The following LEF1 variants were observed in gnomAD, a reference collection of about 807,000 sequenced individuals.
LEF1 encodes lymphoid enhancer binding factor 1.
A neutral mutation model predicts 51.2 loss-of-function variants in LEF1; 14 were observed. That is an observed-to-expected ratio of 0.27 (90% CI 0.18 to 0.43). The LOEUF (loss-of-function observed/expected upper bound fraction) is 0.43, where lower values mean the gene tolerates loss of function less well. LEF1 is among the 20% of genes least tolerant of loss of function. The pLI is 1.00. For missense variants in LEF1, 386 were observed against 512.0 expected, an observed-to-expected ratio of 0.75 and a Z score of 2.37; for synonymous variants, 185 against 183.2, an observed-to-expected ratio of 1.01 and a Z score of -0.08.
At chr4:108,155,930 T>C (rs1744668392) in intron 3 of LEF1, among the ~76,000 whole-genome samples, 1 of 152,106 alleles carries the variant, frequency 6.6e-6, no homozygotes, top group African/African-American at 2.4e-5. Flanking sequence ...CAAAACACAA[T>C]GGCCTAGAAA....
In LEF1 at chr4:108,149,344, G is replaced by A. The variant is rs1345275221; in HGVS notation, c.414+14224C>T. Among the ~76,000 whole-genome samples the A allele has an allele frequency of 2.3e-4, 34 of 148,638 alleles. No homozygotes were observed. In the East Asian group the frequency reaches 3.9e-3, roughly 17 times the overall value. On this transcript the variant is annotated intron_variant, in intron 3 of 11. Transcript: ENST00000265165. ...CGTGGTGGCGGGCGCCTGTGGTCCC[G>A]GCTACTCGGGAGGCTGAGGCAGGAG...
At chr4:108,113,632 C>T (rs1010202247) in intron 3 of LEF1, among the ~76,000 whole-genome samples, 1 of 152,162 alleles carries the variant, frequency 6.6e-6, no homozygotes, top group Non-Finnish European at 1.5e-5. Context: ...CAAATCTGCT[C>T]TTCGAAGAAT....
intron 11 of LEF1, among the ~76,000 whole-genome samples, chr4:108,054,319 G>A (rs929614582): frequency 2.6e-5 from 4 of 152,224 alleles, no homozygotes; most frequent in Admixed American, 1.3e-4. Context: ...CAGGGCAGAC[G>A]CCCTGAAGCA....
At chr4:108,050,395 T>G (rs1195105070) in intron 11 of LEF1, among the ~76,000 whole-genome samples, 3 of 151,972 alleles carry the variant, frequency 2.0e-5, no homozygotes, top group South Asian at 2.1e-4. Flanking sequence ...TGCTTGAGAA[T>G]GGGGCCACAG....
At chr4:108,166,718 T>TA (rs1269837832) in intron 1 of LEF1, 12 of 990,636 alleles carry the variant, frequency 1.2e-5, no homozygotes, top group Non-Finnish European at 1.4e-5. Context: ...CCTGCAGGAC[T>TA]AGTGCCCGGC....
intron 11 of LEF1, among the ~76,000 whole-genome samples, chr4:108,062,340 C>T (rs1466029147): frequency 1.3e-5 from 2 of 152,208 alleles, no homozygotes; most frequent in African/African-American, 2.4e-5. Context: ...ACACTGCACA[C>T]GTCTATCCAG....
chr4:108,166,882 C>A, intron 1 of LEF1: 1 of 905,928 alleles, frequency 1.1e-6, no homozygotes, highest in African/African-American at 1.8e-5. Flanking sequence ...TGCGGTGGGT[C>A]GGCTCGGCGC....
At chr4:108,132,660 T>C (rs946771955) in intron 3 of LEF1, among the ~76,000 whole-genome samples, 1 of 31,080 alleles carries the variant, frequency 3.2e-5, no homozygotes, top group Non-Finnish European at 6.6e-5. Context: ...AAAATCTGCC[T>C]TTTTTTTTTT....
chr4:108,089,011 A>T (rs1739830958), intron 4 of LEF1, 114 bp downstream of exon 4: 4 of 1,177,924 alleles, frequency 3.4e-6, no homozygotes, highest in African/African-American at 1.5e-5. Flanking sequence ...GTAAAAACAC[A>T]TTCTGATCCA....
chr4:108,055,021 T>C (rs952447770), intron 11 of LEF1, among the ~76,000 whole-genome samples: 12 of 152,192 alleles, frequency 7.9e-5, no homozygotes, highest in Non-Finnish European at 1.6e-4. Flanking sequence ...GAAAAACACG[T>C]TAAAACTATC....
At chr4:108,059,580 A>G (rs1737535358) in intron 11 of LEF1, among the ~76,000 whole-genome samples, 1 of 152,112 alleles carries the variant, frequency 6.6e-6, no homozygotes, top group Non-Finnish European at 1.5e-5. Context: ...TCTGCCTCCC[A>G]AAGTGCTGGG....
chr4:108,148,951 G>A (rs1196792788), intron 3 of LEF1, among the ~76,000 whole-genome samples: 1 of 152,144 alleles, frequency 6.6e-6, no homozygotes, highest in Non-Finnish European at 1.5e-5. Flanking sequence ...ATAGCACTGA[G>A]TTACTATGAA....
rs558955920 is a variant in LEF1 at position 108,166,823 on chromosome 4, G to A, written c.213+732C>T. ...GTTGTGGGTTTGTTTCCAAGTGATG[G>A]CGGTTGGAGAAAACTAGAGTTGGGG... On this transcript the variant is annotated intron_variant, in intron 1 of 11. Transcript: ENST00000265165. 4.3e-3 allele frequency: 4,213 copies of A among 985,772 alleles called. 9 individuals are homozygous for A. Among genetic ancestry groups the A allele is most frequent in the Non-Finnish European group, 4.4e-3 (3,693 of 830,182 alleles). 61.1% of individuals were successfully genotyped at this position (985,772 alleles called of 1,614,324 possible).
chr4:108,167,786 T>A lies in LEF1; in HGVS notation c.-19A>T. On this transcript the variant is annotated 5_prime_UTR_variant, in exon 1 of 12. Coordinates refer to ENST00000265165, the MANE Select transcript of LEF1 (RefSeq NM_016269.5). The surrounding 1 kb of genome is among the most constrained non-coding windows in gnomAD (Gnocchi z 5.7). ...GGGGCATCCCGGCGGCTCTGTAATC[T>A]CCGCTCCGCTGTGGGAGCACCCGCG... 6.2e-7 allele frequency: 1 copy of A among 1,606,802 alleles called. No homozygotes were observed. The highest frequency in any genetic ancestry group is 8.5e-7 in the Non-Finnish European group (1 of 1,177,936).
rs1230105612 is a variant in LEF1 at position 108,099,617 on chromosome 4, TAA to T, written c.415-10362_415-10361del. 1.4e-3 allele frequency among the ~76,000 whole-genome samples: 162 copies of T among 118,126 alleles called. 4 individuals are homozygous for T. The highest frequency in any genetic ancestry group is 4.0e-3 in the African/African-American group (122 of 30,202). The allele number at this position is 118,126 out of a possible 152,430, so 77.5% of individuals were successfully genotyped here. A position where few individuals can be genotyped will look rare whatever the true frequency, so the allele number is the denominator to read the frequency against. On this transcript the variant is annotated intron_variant, in intron 3 of 11. Coordinates refer to ENST00000265165, the MANE Select transcript of LEF1 (RefSeq NM_016269.5). The stretch of plus-strand genomic sequence containing the variant: ...ATATATATATATATATATATATATA[TAA>T]ATAATACTTGAAATTATGGGGTACG...
At chr4:108,092,939 A>C (rs10446714) in intron 3 of LEF1, among the ~76,000 whole-genome samples, 30,444 of 90,132 alleles carry the variant, frequency 0.34, 5,803 homozygotes, top group East Asian at 0.64. Context: ...AAAAAAAAAA[A>C]AAAAAAAAAA....
At chr4:108,092,926 A>C (rs956545638) in intron 3 of LEF1, among the ~76,000 whole-genome samples, 1 of 138,928 alleles carries the variant, frequency 7.2e-6, no homozygotes, top group East Asian at 2.0e-4. Context: ...GTAAAAAAAA[A>C]AAAAAAAAAA....
At chr4:108,110,672 C>T (rs1741475262) in intron 3 of LEF1, among the ~76,000 whole-genome samples, 1 of 152,178 alleles carries the variant, frequency 6.6e-6, no homozygotes, top group Non-Finnish European at 1.5e-5. Flanking sequence ...GACTGACAGA[C>T]CTGGCCTCAA....
At chr4:108,050,448 G>A (rs190693025) in intron 11 of LEF1, among the ~76,000 whole-genome samples, 8 of 152,174 alleles carry the variant, frequency 5.3e-5, no homozygotes, top group South Asian at 2.1e-4. Flanking sequence ...TTCACAGTTC[G>A]CTGTGCCAGG....
Sources: gnomAD v4.1 joint callset for allele counts (sites outside exome capture counted in the v4.1 genomes callset) on GRCh38, gnomAD v4.1.1 for gene constraint, Gnocchi (gnomAD v3.1) non-coding constraint, MANE v1.5 for transcripts, NCBI Gene and HGNC (gene_info 2026-07-23, HGNC 2026-07-21) for gene names.